Variants in PIP5K1B observed in about 807,000 individuals in gnomAD.
PIP5K1B encodes the protein phosphatidylinositol-4-phosphate 5-kinase type 1 beta.
In PIP5K1B, 42 loss-of-function variants were observed where a neutral mutation model predicts 67.0. That is an observed-to-expected ratio of 0.63 (90% CI 0.49 to 0.81). The LOEUF is 0.81. Ranked by LOEUF, PIP5K1B falls within the 30% of genes least tolerant of loss-of-function variation. The probability of loss-of-function intolerance (pLI) is 0.00; values close to 1 mark genes in which losing one functional copy is unlikely to be tolerated. For synonymous variants in PIP5K1B, 214 were observed against 231.4 expected, an observed-to-expected ratio of 0.92 and a Z score of 0.68; for missense variants, 459 against 646.3, an observed-to-expected ratio of 0.71 and a Z score of 3.14.
intron 1 of PIP5K1B, among the ~76,000 whole-genome samples, chr9:68,727,943 G>A (rs1433301836): frequency 6.6e-6 from 1 of 152,138 alleles, no homozygotes; most frequent in African/African-American, 2.4e-5. Context: ...GCAAATATTT[G>A]AGTGCCTATT....
chr9:68,719,982 AT>A (rs1827810219), intron 1 of PIP5K1B, among the ~76,000 whole-genome samples: 1 of 152,132 alleles, frequency 6.6e-6, no homozygotes, highest in South Asian at 2.1e-4. Context: ...CTGACCTTAC[AT>A]TTTTGTTTGT....
chr9:68,734,917 G>A (rs1276651325), intron 1 of PIP5K1B, among the ~76,000 whole-genome samples: 2 of 152,220 alleles, frequency 1.3e-5, no homozygotes, highest in Non-Finnish European at 2.9e-5. Context: ...GGCAATAGGA[G>A]GTGACCATCT....
chr9:68,844,583 G>A (rs1029872259), intron 4 of PIP5K1B, among the ~76,000 whole-genome samples: 1 of 151,420 alleles, frequency 6.6e-6, no homozygotes, highest in African/African-American at 2.4e-5. Flanking sequence ...CAGATCCAAT[G>A]GGGGAGATCC....
chr9:68,706,510 AGAAACCTATTCCGGAGAAGTTATTTG>A (rs1827133585), intron 1 of PIP5K1B, among the ~76,000 whole-genome samples: 1 of 152,226 alleles, frequency 6.6e-6, no homozygotes, highest in Non-Finnish European at 1.5e-5. Context: ...GTGGCTGAGT[AGAAACCTATTCCGGAGAAGTTATTTG>A]GGTAGATTGA....
intron 2 of PIP5K1B, among the ~76,000 whole-genome samples, chr9:68,792,344 GTTTTA>G (rs1832020888): frequency 2.0e-5 from 3 of 152,126 alleles, no homozygotes. Context: ...GTTTTGTTTT[GTTTTA>G]TTGAGTTCAT....
At chr9:68,999,042 G>A (rs1478225384) in intron 15 of PIP5K1B, among the ~76,000 whole-genome samples, 3 of 152,134 alleles carry the variant, frequency 2.0e-5, no homozygotes, top group African/African-American at 7.2e-5. Context: ...GGCTCCAGGG[G>A]AGGATCCTTC....
At chr9:68,963,616 GA>G (rs771942844) in intron 14 of PIP5K1B, among the ~76,000 whole-genome samples, 1 of 152,156 alleles carries the variant, frequency 6.6e-6, no homozygotes, top group Non-Finnish European at 1.5e-5. Flanking sequence ...GTAGAAGGAA[GA>G]CACGTTTGAT....
At chr9:68,941,228 C>T (rs1827545532) in intron 14 of PIP5K1B, 1 of 400,258 alleles carries the variant, frequency 2.5e-6, no homozygotes, top group Middle Eastern at 3.7e-4. Flanking sequence ...ATCCTAATTC[C>T]TGTAACCTGT....
chr9:68,746,102 A>G (rs1471238397), intron 2 of PIP5K1B, among the ~76,000 whole-genome samples: 1 of 125,264 alleles, frequency 8.0e-6, no homozygotes, highest in East Asian at 2.3e-4. Flanking sequence ...TTTTTGAGAC[A>G]TAGTCTTGCT....
chr9:68,735,897 C>T (rs1399596490), intron 1 of PIP5K1B, among the ~76,000 whole-genome samples: 1 of 152,162 alleles, frequency 6.6e-6, no homozygotes, highest in Non-Finnish European at 1.5e-5. Context: ...AAGAGTATTT[C>T]AGGCAGAGGG....
At chr9:68,871,714 G>T (rs1161490696) in intron 5 of PIP5K1B, among the ~76,000 whole-genome samples, 1 of 152,102 alleles carries the variant, frequency 6.6e-6, no homozygotes, top group Non-Finnish European at 1.5e-5. Flanking sequence ...GGATTGTAAC[G>T]TGTGCTTGCT....
At chr9:68,864,341 G>A (rs1215515948) in intron 5 of PIP5K1B, among the ~76,000 whole-genome samples, 1 of 152,202 alleles carries the variant, frequency 6.6e-6, no homozygotes, top group Non-Finnish European at 1.5e-5. Flanking sequence ...CTAGGTTTTT[G>A]CTCCCCCTAA....
intron 12 of PIP5K1B, among the ~76,000 whole-genome samples, chr9:68,931,054 T>A (rs1330603189): frequency 6.6e-6 from 1 of 152,084 alleles, no homozygotes; most frequent in Non-Finnish European, 1.5e-5. Flanking sequence ...AAATAGTACC[T>A]GGTCTTCAAG....
At chr9:68,978,655 T>C (rs1829745077) in intron 14 of PIP5K1B, among the ~76,000 whole-genome samples, 1 of 152,220 alleles carries the variant, frequency 6.6e-6, no homozygotes, top group South Asian at 2.1e-4. Context: ...GAATGGATGA[T>C]TGGTAGTTTT....
chr9:68,850,650 A>T (rs10781233), intron 4 of PIP5K1B, among the ~76,000 whole-genome samples: 116,811 of 151,700 alleles, frequency 0.77, 45,034 homozygotes, highest in Admixed American at 0.83. Context: ...GAACTAATAT[A>T]TAACCTTTCA....
chr9:68,830,776 C>T (rs546609670), intron 4 of PIP5K1B, among the ~76,000 whole-genome samples: 16 of 152,252 alleles, frequency 1.1e-4, no homozygotes, highest in African/African-American at 2.4e-4. Context: ...CCAGTGGGGC[C>T]GTCTGAACTG....
intron 4 of PIP5K1B, among the ~76,000 whole-genome samples, chr9:68,825,309 G>A (rs1833925088): frequency 6.6e-6 from 1 of 152,156 alleles, no homozygotes; most frequent in South Asian, 2.1e-4. Flanking sequence ...TATTGTGTTT[G>A]TATCTGGTTG....
intron 7 of PIP5K1B, among the ~76,000 whole-genome samples, chr9:68,890,922 T>C (rs577318556): frequency 9.2e-5 from 14 of 152,240 alleles, no homozygotes; most frequent in Admixed American, 9.2e-4. Context: ...GCATTGGCCA[T>C]ATTTGACTAC....
intron 4 of PIP5K1B, among the ~76,000 whole-genome samples, chr9:68,835,791 C>T (rs1587528951): frequency 6.7e-6 from 1 of 150,330 alleles, no homozygotes; most frequent in South Asian, 2.1e-4. Context: ...ATCTAACCTT[C>T]ATGGATTAAA....
Sources: allele counts gnomAD v4.1 joint callset (sites outside exome capture counted in the v4.1 genomes callset), GRCh38; gene constraint gnomAD v4.1.1; transcripts MANE v1.5; gene names NCBI Gene and HGNC (gene_info 2026-07-23, HGNC 2026-07-21).